MUSK: variants seen among roughly 807,000 people sequenced by gnomAD.
MUSK encodes muscle, skeletal receptor tyrosine-protein kinase.
MUSK carries 55 observed loss-of-function variants against 88.7 expected under a neutral mutation model. The observed-to-expected ratio is 0.62, with a 90% CI of 0.50 to 0.78. MUSK has a LOEUF of 0.78. Ranked by LOEUF, MUSK falls within the 30% of genes least tolerant of loss-of-function variation. The pLI, the probability that MUSK is intolerant of heterozygous loss-of-function variation, is 0.00. For missense variants in MUSK, 1,015 were observed against 1,074.3 expected (o/e 0.94, Z 0.77); for synonymous variants, 387 against 391.9 (o/e 0.99, Z 0.15).
intron 1 of MUSK, among the ~76,000 whole-genome samples, chr9:110,670,222 G>T (rs1462642242): frequency 2.0e-5 from 3 of 152,094 alleles, no homozygotes. Flanking sequence ...AGATAAAAGA[G>T]ACTCTAGATC....
chr9:110,674,503 A>G (rs1346124913), intron 1 of MUSK, among the ~76,000 whole-genome samples: 6 of 152,190 alleles, frequency 3.9e-5, no homozygotes, highest in Non-Finnish European at 5.9e-5. Flanking sequence ...AATAGAATTT[A>G]GTACAATTGA....
At chr9:110,681,554 G>T (rs1254521532) in intron 1 of MUSK, among the ~76,000 whole-genome samples, 1 of 151,964 alleles carries the variant, frequency 6.6e-6, no homozygotes, top group East Asian at 1.9e-4. Context: ...TAAGGTTAAG[G>T]AAAGAGGCAT....
intron 11 of MUSK, among the ~76,000 whole-genome samples, chr9:110,781,035 T>A (rs1283683756): frequency 6.6e-6 from 1 of 152,152 alleles, no homozygotes; most frequent in Non-Finnish European, 1.5e-5. Context: ...TAAATTGGTA[T>A]ACAAGGACTT....
chr9:110,725,748 C>A (rs1214410348), intron 5 of MUSK, among the ~76,000 whole-genome samples: 3 of 151,958 alleles, frequency 2.0e-5, no homozygotes, highest in Admixed American at 2.0e-4. Context: ...AATTCTAGCC[C>A]TAACCTCCCT....
chr9:110,778,833 T>C (rs2077708277), intron 11 of MUSK, among the ~76,000 whole-genome samples: 1 of 152,156 alleles, frequency 6.6e-6, no homozygotes, highest in Admixed American at 6.5e-5. Context: ...TGATTCATTC[T>C]TGAATAAATT....
intron 5 of MUSK, among the ~76,000 whole-genome samples, chr9:110,699,131 TAC>T (rs2076470265): frequency 1.3e-5 from 2 of 152,242 alleles, no homozygotes; most frequent in Non-Finnish European, 2.9e-5. Flanking sequence ...GGAGTTATTA[TAC>T]AGTTTGGTTT....
At position 110,724,968 on chromosome 9, in the gene MUSK, A is replaced by G. The variant is rs141623053; in HGVS notation, c.629-9283A>G. ...CCATCTAGAAAACACAAGAGTATCA[A>G]CTCCAAAGCTACTTTAACTAATATG... On this transcript the variant is annotated intron_variant, in intron 5 of 14. Coordinates refer to ENST00000374448, the MANE Select transcript of MUSK (RefSeq NM_005592.4). Among the ~76,000 whole-genome samples, 352 of 152,130 alleles carry G rather than the reference A, an allele frequency of 2.3e-3. 3 individuals are homozygous for G. Among genetic ancestry groups the G allele is most frequent in the Middle Eastern group, 0.01 (3 of 294 alleles).
chr9:110,789,748 C>T (rs931575875), intron 14 of MUSK, among the ~76,000 whole-genome samples: 3 of 151,928 alleles, frequency 2.0e-5, no homozygotes, highest in Middle Eastern at 3.2e-3. Flanking sequence ...CATTGCACTC[C>T]AGCCTGTGTG....
intron 3 of MUSK, among the ~76,000 whole-genome samples, chr9:110,693,916 C>T (rs983145194): frequency 7.9e-5 from 12 of 152,068 alleles, no homozygotes; most frequent in African/African-American, 2.7e-4. Flanking sequence ...ATTGAGGAAC[C>T]TGGCCAGTAC....
At chr9:110,675,305 T>C (rs950960207) in intron 1 of MUSK, among the ~76,000 whole-genome samples, 19 of 139,842 alleles carry the variant, frequency 1.4e-4, no homozygotes, top group Non-Finnish European at 1.4e-4. Flanking sequence ...CATTACAAGC[T>C]CCGCCTCCCT....
intron 3 of MUSK, among the ~76,000 whole-genome samples, chr9:110,688,861 T>C (rs1014624993): frequency 6.6e-6 from 1 of 151,162 alleles, no homozygotes; most frequent in Non-Finnish European, 1.5e-5. Flanking sequence ...ATCCAGTCCA[T>C]CATTAATGGG....
intron 6 of MUSK, among the ~76,000 whole-genome samples, chr9:110,735,268 T>G (rs1162442619): frequency 6.6e-6 from 1 of 152,140 alleles, no homozygotes; most frequent in East Asian, 1.9e-4. Context: ...CCATGTTTAT[T>G]GCGGCACTAT....
intron 7 of MUSK, among the ~76,000 whole-genome samples, chr9:110,752,779 G>C (rs564274411): frequency 5.9e-5 from 9 of 152,280 alleles, no homozygotes; most frequent in Admixed American, 3.3e-4. Context: ...TAAAGATCAG[G>C]CTTCATTTTT....
intron 4 of MUSK, among the ~76,000 whole-genome samples, chr9:110,696,568 C>A (rs1364234207): frequency 2.0e-5 from 3 of 152,060 alleles, no homozygotes; most frequent in African/African-American, 7.2e-5. Context: ...ATCTGGCTTT[C>A]CTCTTGTTAT....
intron 1 of MUSK, among the ~76,000 whole-genome samples, chr9:110,676,846 G>C (rs1285428312): frequency 6.6e-6 from 1 of 152,086 alleles, no homozygotes. Context: ...TGTGAATAGT[G>C]CTGCAGTGAA....
chr9:110,683,227 C>T (rs139217442), intron 2 of MUSK, among the ~76,000 whole-genome samples: 2 of 152,136 alleles, frequency 1.3e-5, no homozygotes, highest in East Asian at 1.9e-4. Flanking sequence ...TGAGAACATG[C>T]AATGTTTGTC....
intron 14 of MUSK, among the ~76,000 whole-genome samples, chr9:110,798,040 T>G (rs2078038090): frequency 6.6e-6 from 1 of 152,218 alleles, no homozygotes; most frequent in Non-Finnish European, 1.5e-5. Context: ...TGCCGTTTGT[T>G]AAATGCTATA....
At chr9:110,702,250 A>T (rs544757637) in intron 5 of MUSK, among the ~76,000 whole-genome samples, 1 of 152,198 alleles carries the variant, frequency 6.6e-6, no homozygotes, top group African/African-American at 2.4e-5. Flanking sequence ...CATAAGCTCA[A>T]TGAGCTGGTT....
At chr9:110,673,379 G>T (rs1406276338) in intron 1 of MUSK, among the ~76,000 whole-genome samples, 1 of 152,116 alleles carries the variant, frequency 6.6e-6, no homozygotes, top group Non-Finnish European at 1.5e-5. Flanking sequence ...TTTCTGGTCT[G>T]CAAGTGGAAA....
Sources: gnomAD v4.1 joint callset for allele counts (sites outside exome capture counted in the v4.1 genomes callset) on GRCh38, gnomAD v4.1.1 for gene constraint, MANE v1.5 for transcripts, NCBI Gene and HGNC (gene_info 2026-07-23, HGNC 2026-07-21) for gene names.